HYDIN: variants seen among roughly 807,000 people sequenced by gnomAD.
HYDIN encodes the protein axonemal central pair apparatus protein HYDIN.
HYDIN carries 132 observed loss-of-function variants against 403.9 expected under a neutral mutation model. That is an observed-to-expected ratio of 0.33 (90% CI 0.28 to 0.38). The LOEUF (loss-of-function observed/expected upper bound fraction) is 0.38, where lower values mean the gene tolerates loss of function less well. Among genes scored for constraint, HYDIN ranks in the 10% least tolerant of loss-of-function variants. HYDIN has a pLI of 1.00. For synonymous variants in HYDIN, 1,202 were observed against 1,891.7 expected (o/e 0.64, Z 9.46); for missense variants, 2,827 against 5,009.5 (o/e 0.56, Z 13.15).
intron 1 of HYDIN, among the ~76,000 whole-genome samples, chr16:71,219,689 T>C (rs2089093974): frequency 6.6e-6 from 1 of 152,144 alleles, no homozygotes; most frequent in South Asian, 2.1e-4. Context: ...AATTAAAAGA[T>C]TGCACAGTTT....
chr16:70,885,226 A>ACTG (rs2041060544), intron 58 of HYDIN, among the ~76,000 whole-genome samples: 1 of 146,530 alleles, frequency 6.8e-6, no homozygotes, highest in Admixed American at 6.9e-5. Context: ...TAGGAACCAC[A>ACTG]GCAGAAATCA....
intron 45 of HYDIN, chr16:70,933,848 T>A (rs1158222864): frequency 6.5e-6 from 1 of 152,850 alleles, no homozygotes; most frequent in African/African-American, 2.4e-5. Context: ...ATTTGCAAGC[T>A]TTTCCTGACT....
At chr16:70,870,920 A>T (rs2143650369) in intron 65 of HYDIN, among the ~76,000 whole-genome samples, 1 of 151,724 alleles carries the variant, frequency 6.6e-6, no homozygotes, top group South Asian at 2.1e-4. Context: ...TGTCCCAGCT[A>T]CTTGGGGGGC....
chr16:70,900,473 T>C (rs1156784664), intron 53 of HYDIN, among the ~76,000 whole-genome samples: 1 of 124,064 alleles, frequency 8.1e-6, no homozygotes, highest in African/African-American at 3.7e-5. Context: ...CGAGACTCCA[T>C]CTCAAAAAAA....
At chr16:71,139,013 G>A (rs1425133132) in intron 7 of HYDIN, among the ~76,000 whole-genome samples, 1 of 151,616 alleles carries the variant, frequency 6.6e-6, no homozygotes, top group African/African-American at 2.4e-5. Flanking sequence ...GAACCCGGGA[G>A]GCGGAGGTTG....
intron 54 of HYDIN, among the ~76,000 whole-genome samples, 172 bp downstream of exon 54, chr16:70,895,809 G>A (rs1373448749): frequency 6.6e-6 from 1 of 151,512 alleles, no homozygotes; most frequent in African/African-American, 2.4e-5. Flanking sequence ...GAGAAATTAC[G>A]ATTTGTAGTC....
chr16:71,015,580 C>G (rs1020130321), intron 23 of HYDIN, among the ~76,000 whole-genome samples: 1 of 151,516 alleles, frequency 6.6e-6, no homozygotes, highest in Non-Finnish European at 1.5e-5. Context: ...CCCAAACAGT[C>G]CCTGGCACTT....
intron 1 of HYDIN, among the ~76,000 whole-genome samples, chr16:71,222,903 A>C (rs1262493320): frequency 6.6e-6 from 1 of 152,162 alleles, no homozygotes; most frequent in Non-Finnish European, 1.5e-5. Context: ...CATTGTGAAA[A>C]TGACCATACT....
chr16:71,052,133 A>G (rs1401839591), intron 18 of HYDIN, among the ~76,000 whole-genome samples: 2 of 152,208 alleles, frequency 1.3e-5, no homozygotes, highest in Non-Finnish European at 2.9e-5. Context: ...CATTTTCCAC[A>G]TTGGTAAAAT....
In HYDIN at chr16:71,175,749, G is replaced by A; in HGVS notation, c.382-8C>T. 6.2e-7 allele frequency: 1 copy of A among 1,613,916 alleles called. No homozygotes were observed. Among genetic ancestry groups the A allele is most frequent in the African/African-American group, 1.3e-5 (1 of 75,048 alleles). ...TTTCACCAACCTTGGAATCTGCAGG[G>A]AAACACATGATGATGAACATCGTGC... On this transcript the variant is annotated splice_region_variant and splice_polypyrimidine_tract_variant and intron_variant, in intron 4 of 85. Coordinates refer to ENST00000393567, the MANE Select transcript of HYDIN (RefSeq NM_001270974.2).
intron 10 of HYDIN, among the ~76,000 whole-genome samples, chr16:71,096,741 C>A (rs2083287487): frequency 1.8e-5 from 2 of 112,208 alleles, no homozygotes; most frequent in Admixed American, 9.5e-5. Context: ...ATTCTATGAT[C>A]TGGTTCTCCT....
At chr16:70,879,194 A>G (rs983967556) in intron 62 of HYDIN, 103 bp downstream of exon 62, 2 of 734,610 alleles carry the variant, frequency 2.7e-6, no homozygotes, top group African/African-American at 3.6e-5. Context: ...GTGGATCAAC[A>G]GAGAAGTCCT....
chr16:71,165,547 G>A (rs1402945128), intron 5 of HYDIN, among the ~76,000 whole-genome samples: 1 of 150,918 alleles, frequency 6.6e-6, no homozygotes, highest in Non-Finnish European at 1.5e-5. Context: ...TCCATGTCAA[G>A]AGGGATTTGC....
intron 65 of HYDIN, among the ~76,000 whole-genome samples, chr16:70,870,898 G>A (rs1249866950): frequency 3.3e-5 from 5 of 150,908 alleles, no homozygotes; most frequent in Non-Finnish European, 5.9e-5. Context: ...AGGTGTGGTG[G>A]TGTGCATCTG....
At chr16:71,096,304 T>C (rs1292229921) in intron 10 of HYDIN, among the ~76,000 whole-genome samples, 2 of 152,074 alleles carry the variant, frequency 1.3e-5, no homozygotes, top group African/African-American at 4.8e-5. Context: ...TATTTTTGTC[T>C]TTAGCTTTCA....
chr16:70,979,478 A>G (rs908253073), intron 29 of HYDIN, among the ~76,000 whole-genome samples: 1 of 152,074 alleles, frequency 6.6e-6, no homozygotes, highest in African/African-American at 2.4e-5. Context: ...TTAACAAAAG[A>G]TATGTTTGGG....
chr16:71,173,800 A>G (rs1205463079), intron 5 of HYDIN, among the ~76,000 whole-genome samples: 1 of 152,188 alleles, frequency 6.6e-6, no homozygotes, highest in Non-Finnish European at 1.5e-5. Flanking sequence ...CATCTCCAGA[A>G]AGTCTTGTGT....
In HYDIN at chr16:71,230,631, G is replaced by A. The variant is rs751711131; in HGVS notation, c.-93C>T. The A allele has an allele frequency of 6.5e-7, 1 of 1,535,938 alleles. No individual in the cohort carries two copies. The highest frequency in any genetic ancestry group is 8.7e-7 in the Non-Finnish European group (1 of 1,146,880). On this transcript the variant is annotated 5_prime_UTR_variant, in exon 1 of 86. Coordinates refer to ENST00000393567, the MANE Select transcript of HYDIN (RefSeq NM_001270974.2). ...GCCAAGACCCCGCGTCCAACTCACA[G>A]ACCCCGCCGCCGCTGAGGGGCTCCA...
intron 58 of HYDIN, among the ~76,000 whole-genome samples, chr16:70,884,870 T>C (rs2041037177): frequency 6.6e-6 from 1 of 152,254 alleles, no homozygotes; most frequent in African/African-American, 2.4e-5. Flanking sequence ...GGCTCTGTTC[T>C]CATCTTTCCT....
Sources: gnomAD v4.1 joint callset for allele counts (sites outside exome capture counted in the v4.1 genomes callset) on GRCh38, gnomAD v4.1.1 for gene constraint, MANE v1.5 for transcripts, NCBI Gene and HGNC (gene_info 2026-07-23, HGNC 2026-07-21) for gene names.